The following MRTFB variants were observed in gnomAD, a reference collection of about 807,000 sequenced individuals.
The protein encoded by MRTFB is myocardin-related transcription factor B.
MRTFB carries 29 observed loss-of-function variants against 104.2 expected under a neutral mutation model. The observed-to-expected ratio is 0.28, with a 90% CI of 0.21 to 0.38. The LOEUF is 0.38. Among genes scored for constraint, MRTFB ranks in the 10% least tolerant of loss-of-function variants. The pLI is 1.00. For synonymous variants in MRTFB, 535 were observed against 519.5 expected (o/e 1.03, Z -0.41); for missense variants, 1,270 against 1,341.6 (o/e 0.95, Z 0.83).
chr16:14,197,937 T>C (rs1175376439), intron 3 of MRTFB, among the ~76,000 whole-genome samples: 1 of 152,178 alleles, frequency 6.6e-6, no homozygotes, highest in East Asian at 1.9e-4. Flanking sequence ...TTTTTTTAAT[T>C]ACTGAAGTGA....
intron 8 of MRTFB, among the ~76,000 whole-genome samples, chr16:14,229,383 C>A (rs2151290745): frequency 6.6e-6 from 1 of 152,190 alleles, no homozygotes; most frequent in Admixed American, 6.5e-5. Context: ...AATATGAAAA[C>A]AATATTTAAA....
At chr16:14,002,633 A>G in the MRTFB span, among the ~76,000 whole-genome samples, 1 of 152,240 alleles carries the variant, frequency 6.6e-6, no homozygotes, top group Non-Finnish European at 1.5e-5. Context: ...TATACTGGTC[A>G]ACCAGCAACC....
the MRTFB span, among the ~76,000 whole-genome samples, chr16:14,007,469 C>T: frequency 7.2e-5 from 11 of 152,198 alleles, no homozygotes; most frequent in Non-Finnish European, 1.3e-4. Context: ...TATTTATTCA[C>T]TCATCAGTTT....
At chr16:14,005,166 C>T in the MRTFB span, among the ~76,000 whole-genome samples, 1 of 152,244 alleles carries the variant, frequency 6.6e-6, no homozygotes, top group Non-Finnish European at 1.5e-5. Flanking sequence ...AACACAAAAA[C>T]GATCCATGGA....
chr16:14,065,092 G>A, the MRTFB span, among the ~76,000 whole-genome samples: 3 of 152,218 alleles, frequency 2.0e-5, no homozygotes, highest in South Asian at 2.1e-4. Flanking sequence ...GTCCATGAGC[G>A]TGGAATGTTT....
the MRTFB span, among the ~76,000 whole-genome samples, chr16:14,004,379 G>A: frequency 7.9e-5 from 12 of 152,306 alleles, no homozygotes; most frequent in African/African-American, 2.6e-4. Flanking sequence ...GAGGTCCACG[G>A]GTGAAGCTAG....
intron 3 of MRTFB, chr16:14,150,929 T>G (rs1232572305): frequency 6.6e-6 from 1 of 152,232 alleles, no homozygotes; most frequent in Admixed American, 6.5e-5. Flanking sequence ...TATGCAGAGC[T>G]TAAGGTACTG....
intron 4 of MRTFB, among the ~76,000 whole-genome samples, chr16:14,210,694 T>G (rs2041156081): frequency 6.6e-6 from 1 of 152,208 alleles, no homozygotes; most frequent in Admixed American, 6.6e-5. Flanking sequence ...TACTTAGACT[T>G]ATTTAGTTCC....
chr16:14,175,477 T>G (rs2039550093), intron 3 of MRTFB, among the ~76,000 whole-genome samples: 1 of 152,220 alleles, frequency 6.6e-6, no homozygotes, highest in Non-Finnish European at 1.5e-5. Flanking sequence ...CCTATATGCA[T>G]TTACTCATTT....
At chr16:14,035,440 G>A in the MRTFB span, among the ~76,000 whole-genome samples, 1 of 152,192 alleles carries the variant, frequency 6.6e-6, no homozygotes, top group Non-Finnish European at 1.5e-5. Context: ...CGGCCTTGGT[G>A]CAAAATGCAG....
chr16:14,014,175 G>C, the MRTFB span, among the ~76,000 whole-genome samples: 4 of 152,112 alleles, frequency 2.6e-5, no homozygotes, highest in Admixed American at 6.6e-5. Flanking sequence ...TTTCCCAATT[G>C]CGTGGAGAAT....
intron 13 of MRTFB, among the ~76,000 whole-genome samples, chr16:14,249,628 C>CAT (rs1291568963): frequency 6.6e-6 from 1 of 152,200 alleles, no homozygotes; most frequent in Non-Finnish European, 1.5e-5. Context: ...TCAGTTACCT[C>CAT]ATCTTTAAAA....
chr16:14,050,675 C>T, the MRTFB span, among the ~76,000 whole-genome samples: 2 of 152,174 alleles, frequency 1.3e-5, no homozygotes, highest in African/African-American at 4.8e-5. Context: ...AAGGGTCAGT[C>T]CAGCCAGAGG....
At chr16:14,175,136 G>C (rs1295769163) in intron 3 of MRTFB, among the ~76,000 whole-genome samples, 1 of 149,236 alleles carries the variant, frequency 6.7e-6, no homozygotes, top group Non-Finnish European at 1.5e-5. Flanking sequence ...GAGTAACCTT[G>C]TGGGTTTAAA....
At chr16:14,151,432 A>G (rs1216725277) in intron 3 of MRTFB, 1 of 152,180 alleles carries the variant, frequency 6.6e-6, no homozygotes, top group Non-Finnish European at 1.5e-5. Flanking sequence ...GAATCCAAAT[A>G]TATGTGGACC....
chr16:14,093,907 G>GA (rs1273781998), intron 2 of MRTFB, among the ~76,000 whole-genome samples: 1 of 152,048 alleles, frequency 6.6e-6, no homozygotes, highest in African/African-American at 2.4e-5. Context: ...TCAGCTCCTG[G>GA]AAAAAAGAAT....
intron 2 of MRTFB, among the ~76,000 whole-genome samples, chr16:14,121,536 GACT>G (rs1320282482): frequency 6.6e-6 from 1 of 152,164 alleles, no homozygotes; most frequent in Non-Finnish European, 1.5e-5. Context: ...AGAGAAAATT[GACT>G]ACTACTTAGA....
At chr16:14,081,591 C>A (rs747087152) in intron 2 of MRTFB, among the ~76,000 whole-genome samples, 5 of 151,862 alleles carry the variant, frequency 3.3e-5, no homozygotes, top group Non-Finnish European at 7.4e-5. Flanking sequence ...TGCACCCGGC[C>A]ATTTGTATGC....
intron 3 of MRTFB, chr16:14,144,019 G>A (rs956042359): frequency 4.6e-5 from 7 of 152,186 alleles, no homozygotes; most frequent in African/African-American, 1.4e-4. Context: ...ACTTTGTAAC[G>A]ACACCCAACA....
Sources: gnomAD v4.1 joint callset for allele counts (sites outside exome capture counted in the v4.1 genomes callset) on GRCh38, gnomAD v4.1.1 for gene constraint, MANE v1.5 for transcripts, NCBI Gene and HGNC (gene_info 2026-07-23, HGNC 2026-07-21) for gene names.